NR1D2: variants seen among roughly 807,000 people sequenced by gnomAD.
The protein encoded by NR1D2 is V-erbA-related protein 1-related.
NR1D2 carries 25 observed loss-of-function variants against 52.2 expected under a neutral mutation model. That is an observed-to-expected ratio of 0.48 (90% CI 0.35 to 0.67). The LOEUF (loss-of-function observed/expected upper bound fraction) is 0.67. NR1D2 is among the 30% of genes least tolerant of loss of function. NR1D2 has a pLI of 0.01. For missense variants in NR1D2, 681 were observed against 707.2 expected, an observed-to-expected ratio of 0.96 and a Z score of 0.42; for synonymous variants, 259 against 230.1, an observed-to-expected ratio of 1.13 and a Z score of -1.14.
intron 3 of NR1D2, among the ~76,000 whole-genome samples, 184 bp from the exon 4 acceptor site, chr3:23,959,487 G>T (rs998575650): frequency 6.6e-6 from 1 of 151,986 alleles, no homozygotes; most frequent in Non-Finnish European, 1.5e-5. Context: ...AATAAGAATC[G>T]AAATTAAATT....
intron 1 of NR1D2, chr3:23,946,032 C>G (rs1267987542): frequency 1.3e-5 from 9 of 667,494 alleles, no homozygotes; most frequent in African/African-American, 3.9e-5. Context: ...GGGGCGGGGG[C>G]GCGCGCGCGC....
At position 23,965,076 on chromosome 3, in the gene NR1D2, G is replaced by A. The variant is rs1706403028; in HGVS notation, c.1246G>A (p.Val416Met). Residue 416 changes from valine (V) to methionine (M), a missense_variant, in exon 6 of 8, where the codon GTG (valine) becomes ATG (methionine). By Grantham distance (21) the Val-to-Met change is conservative (BLOSUM62 1). This residue lies in a region of NR1D2 where 475 missense variants were observed against 454.5 expected (regional missense o/e 1.05). Transcript: ENST00000312521. Reference protein sequence around the residue: ...SMSFTPAVKEVVEFAKRIPGF... With the variant: ...SMSFTPAVKEMVEFAKRIPGF... ...GAGCTTCACTCCAGCAGTGAAAGAAGTGGTGGAATTTGCAAAGCGTATTCC... is the reference window on the plus strand; with the variant it reads ...GAGCTTCACTCCAGCAGTGAAAGAAATGGTGGAATTTGCAAAGCGTATTCC... 2 of 1,613,908 alleles carry A rather than the reference G, an allele frequency of 1.2e-6. No homozygotes were observed. The highest frequency in any genetic ancestry group is 1.1e-5 in the South Asian group (1 of 91,088).
chr3:23,971,021 TC>T (rs1471864558), intron 7 of NR1D2, among the ~76,000 whole-genome samples: 3 of 152,150 alleles, frequency 2.0e-5, no homozygotes, highest in Non-Finnish European at 2.9e-5. Context: ...CCTCAGGTGA[TC>T]CGCCCGCCTC....
chr3:23,968,428 G>A (rs4858098), intron 7 of NR1D2, among the ~76,000 whole-genome samples: 119,352 of 152,226 alleles, frequency 0.78, 47,567 homozygotes, highest in African/African-American at 0.9. Flanking sequence ...AGGTATTAGT[G>A]TGGTTTGTTG....
At chr3:23,950,731 T>C (rs1173937955) in intron 1 of NR1D2, among the ~76,000 whole-genome samples, 4 of 152,180 alleles carry the variant, frequency 2.6e-5, no homozygotes, top group Non-Finnish European at 5.9e-5. Context: ...GGATCTTCGC[T>C]GGATTGATAA....
At chr3:23,962,689 G>A (rs756460893) in intron 5 of NR1D2, 84 bp downstream of exon 5, 111 of 1,314,034 alleles carry the variant, frequency 8.4e-5, no homozygotes, top group Non-Finnish European at 1.1e-4. Flanking sequence ...TGCTAACTTG[G>A]GGGGATGGTG....
chr3:23,961,835 A>G, intron 4 of NR1D2, 142 bp from the exon 5 acceptor site: 1 of 763,292 alleles, frequency 1.3e-6, no homozygotes, highest in Middle Eastern at 3.9e-4. Flanking sequence ...GCAAGTTTAG[A>G]AAAATGTGGA....
intron 7 of NR1D2, among the ~76,000 whole-genome samples, chr3:23,975,818 CT>C (rs915297818): frequency 6.6e-6 from 1 of 152,022 alleles, no homozygotes; most frequent in Non-Finnish European, 1.5e-5. Context: ...TCAAATTTTT[CT>C]TTTTTTGCCC....
intron 3 of NR1D2, among the ~76,000 whole-genome samples, chr3:23,957,205 A>G (rs1228920083): frequency 1.3e-5 from 2 of 149,750 alleles, no homozygotes; most frequent in Non-Finnish European, 3.0e-5. Flanking sequence ...CTGGTCTTGA[A>G]CTCCTAACCT....
rs536421213 is a variant in NR1D2, at chr3:23,970,013, G to A, written c.1543+1990G>A. Among the ~76,000 whole-genome samples, 78 of 152,316 alleles carry A rather than the reference G, an allele frequency of 5.1e-4. 1 individual carries two copies. Among genetic ancestry groups the A allele is most frequent in the African/African-American group, 1.7e-3 (72 of 41,564 alleles). On this transcript the variant is annotated intron_variant, in intron 7 of 7. Transcript: ENST00000312521. ...CAGAGTTAGGGGAGCACCAGGTTAT[G>A]GACTAACAGCTATGAGAACTAAGCG... is the stretch of plus-strand genomic sequence containing the variant.
At chr3:23,976,860 A>G (rs1575162746) in intron 7 of NR1D2, among the ~76,000 whole-genome samples, 5 of 152,342 alleles carry the variant, frequency 3.3e-5, no homozygotes, top group South Asian at 4.1e-4. Context: ...AGTGTATTCC[A>G]TATGTATTGA....
chr3:23,969,090 G>A (rs1706522941), intron 7 of NR1D2, among the ~76,000 whole-genome samples: 1 of 152,126 alleles, frequency 6.6e-6, no homozygotes, highest in Non-Finnish European at 1.5e-5. Flanking sequence ...TTTGAGACCA[G>A]CCTGGCCAAC....
chr3:23,960,810 A>G (rs1391563809), intron 4 of NR1D2, among the ~76,000 whole-genome samples: 1 of 152,236 alleles, frequency 6.6e-6, no homozygotes, highest in Non-Finnish European at 1.5e-5. Flanking sequence ...TAAAGTATCA[A>G]ACATGATTAA....
intron 7 of NR1D2, among the ~76,000 whole-genome samples, chr3:23,974,088 C>CTTTTTTTTTTTTTTT (rs60587118): frequency 2.5e-5 from 2 of 79,508 alleles, no homozygotes; most frequent in East Asian, 3.9e-4. Flanking sequence ...TTACAGTTAC[C>CTTTTTTTTTTTTTTT]TTTTTTTTTT....
chr3:23,971,303 ATTTTTT>A (rs11457044), intron 7 of NR1D2, among the ~76,000 whole-genome samples: 2 of 123,118 alleles, frequency 1.6e-5, no homozygotes, highest in African/African-American at 6.5e-5. Context: ...CTCTATACCT[ATTTTTT>A]TTTTTTTTTT....
intron 5 of NR1D2, chr3:23,963,171 A>T: frequency 1.2e-6 from 1 of 805,212 alleles, no homozygotes; most frequent in Non-Finnish European, 1.9e-6. Context: ...AATGTTGGTC[A>T]TATCATTGAA....
In NR1D2 at chr3:23,977,571, G is replaced by A; in HGVS notation, c.*152G>A. ...CTCTGTAATCATGCAATAGCTGTTC[G>A]GATTGAGAACTCTTCAGCCATGATT... On this transcript the variant is annotated 3_prime_UTR_variant, in exon 8 of 8. Coordinates refer to ENST00000312521, the MANE Select transcript of NR1D2 (RefSeq NM_005126.5). 1.1e-5 allele frequency: 5 copies of A among 468,378 alleles called. No individual in the cohort carries two copies. The highest frequency in any genetic ancestry group is 3.8e-5 in the Admixed American group (1 of 26,230). 29.0% of individuals were successfully genotyped at this position (468,378 alleles called of 1,614,324 possible). A position where few individuals can be genotyped will look rare whatever the true frequency, so the allele number is the denominator to read the frequency against.
At position 23,977,604 on chromosome 3, in the gene NR1D2, G is replaced by T. The variant is rs1380146527; in HGVS notation, c.*185G>T. On this transcript the variant is annotated 3_prime_UTR_variant, in exon 8 of 8. Coordinates refer to ENST00000312521, the MANE Select transcript of NR1D2 (RefSeq NM_005126.5). ...AACTCTTCAGCCATGATTAGACGTTGACTGCATCTCCCTGATAGACCAATC... is the reference window on the plus strand; with the variant it reads ...AACTCTTCAGCCATGATTAGACGTTTACTGCATCTCCCTGATAGACCAATC... 11 of 419,026 alleles carry T rather than the reference G, an allele frequency of 2.6e-5. No individual in the cohort carries two copies. Among genetic ancestry groups the T allele is most frequent in the Non-Finnish European group, 4.2e-5 (10 of 237,728 alleles). The allele number at this position is 419,026 out of a possible 1,614,324, so 26.0% of individuals were successfully genotyped here.
At chr3:23,948,823 T>A (rs1455777414) in intron 1 of NR1D2, among the ~76,000 whole-genome samples, 1 of 152,208 alleles carries the variant, frequency 6.6e-6, no homozygotes, top group Non-Finnish European at 1.5e-5. Flanking sequence ...ATTTGAAGAT[T>A]TATACGCAAC....
Sources: allele counts gnomAD v4.1 joint callset (sites outside exome capture counted in the v4.1 genomes callset), GRCh38; gene constraint gnomAD v4.1.1; regional missense constraint gnomAD v4.1.1; transcripts MANE v1.5; gene names NCBI Gene and HGNC (gene_info 2026-07-23, HGNC 2026-07-21).